The following ABL2 variants were observed in gnomAD, a reference collection of about 807,000 sequenced individuals.
The protein encoded by ABL2 is ABL proto-oncogene 2, non-receptor tyrosine kinase.
In ABL2, 49 loss-of-function variants were observed where a neutral mutation model predicts 107.7. That is an observed-to-expected ratio of 0.45 (90% CI 0.36 to 0.58). ABL2 has a LOEUF of 0.58. Ranked by LOEUF, ABL2 falls within the 20% of genes least tolerant of loss-of-function variation. The pLI is 0.00. For synonymous variants in ABL2, 549 were observed against 548.6 expected (o/e 1.00, Z -0.01); for missense variants, 1,245 against 1,457.0 (o/e 0.85, Z 2.37).
chr1:179,133,014 A>C (rs1388352952), intron 2 of ABL2, among the ~76,000 whole-genome samples: 1 of 151,670 alleles, frequency 6.6e-6, no homozygotes, highest in African/African-American at 2.4e-5. Flanking sequence ...GCACGCCACC[A>C]AGCCCAGCTA....
intron 1 of ABL2, among the ~76,000 whole-genome samples, chr1:179,206,262 A>G (rs1241424830): frequency 6.6e-6 from 1 of 152,226 alleles, no homozygotes; most frequent in Non-Finnish European, 1.5e-5. Flanking sequence ...TCAAATGCAC[A>G]CAGGATTTAG....
At chr1:179,185,082 C>CG (rs1660607259) in intron 1 of ABL2, among the ~76,000 whole-genome samples, 1 of 152,334 alleles carries the variant, frequency 6.6e-6, no homozygotes, top group African/African-American at 2.4e-5. Flanking sequence ...ATACTGGACT[C>CG]AGACAGTACA....
At chr1:179,142,944 G>T in intron 1 of ABL2, 1 of 1,614,120 alleles carries the variant, frequency 6.2e-7, no homozygotes, top group South Asian at 1.1e-5. Context: ...TGTTAAGTCG[G>T]GTAGAGCAGA....
intron 1 of ABL2, among the ~76,000 whole-genome samples, chr1:179,173,221 CG>C (rs975487374): frequency 2.0e-5 from 3 of 150,160 alleles, no homozygotes; most frequent in Non-Finnish European, 4.4e-5. Context: ...AGAAAAAAAA[CG>C]TAAGTTAACA....
intron 1 of ABL2, among the ~76,000 whole-genome samples, chr1:179,153,215 TA>T (rs1372921011): frequency 6.6e-6 from 1 of 152,202 alleles, no homozygotes; most frequent in Non-Finnish European, 1.5e-5. Flanking sequence ...CTAACCTCAT[TA>T]CTCTTTCCTG....
chr1:179,143,758 G>A (rs1400480281), intron 1 of ABL2, among the ~76,000 whole-genome samples: 6 of 152,292 alleles, frequency 3.9e-5, no homozygotes, highest in East Asian at 1.9e-4. Context: ...AGGCAGTGGC[G>A]CGATCTCGGC....
intron 1 of ABL2, among the ~76,000 whole-genome samples, chr1:179,155,346 T>G (rs955425540): frequency 2.6e-5 from 4 of 152,214 alleles, no homozygotes; most frequent in Non-Finnish European, 5.9e-5. Context: ...CAAAGGAAAC[T>G]GGAAATGTCT....
rs1466033404 is a variant in ABL2 at position 179,106,036 on chromosome 1, A to G, written c.*1682T>C. The G allele has an allele frequency of 9.2e-6, 2 of 218,010 alleles. No individual in the cohort carries two copies. Among genetic ancestry groups the G allele is most frequent in the East Asian group, 6.8e-5 (1 of 14,810 alleles). 13.5% of individuals were successfully genotyped at this position (218,010 alleles called of 1,614,324 possible). On this transcript the variant is annotated 3_prime_UTR_variant, in exon 12 of 12. Transcript: ENST00000502732. ...GAGGCTGTGGTTTGACAGTGTATCA[A>G]TGACAGAGCCAGAAGAAAACTCAGT...
At chr1:179,206,223 T>C (rs1571317119) in intron 1 of ABL2, among the ~76,000 whole-genome samples, 1 of 152,138 alleles carries the variant, frequency 6.6e-6, no homozygotes, top group Admixed American at 6.5e-5. Flanking sequence ...GACAGGCAAA[T>C]TAAGAGAACA....
intron 3 of ABL2, among the ~76,000 whole-genome samples, chr1:179,128,995 T>TA (rs952633826): frequency 2.0e-4 from 29 of 147,446 alleles, no homozygotes; most frequent in African/African-American, 3.2e-4. Context: ...GGTAGAACTT[T>TA]AAAAAAAAAA....
At chr1:179,201,018 A>G (rs182042655) in intron 1 of ABL2, among the ~76,000 whole-genome samples, 126 of 152,300 alleles carry the variant, frequency 8.3e-4, no homozygotes, top group African/African-American at 2.9e-3. Flanking sequence ...CCCAGAAAGA[A>G]AGGTGTTCTC....
chr1:179,135,499 C>T (rs1347367439), intron 1 of ABL2, among the ~76,000 whole-genome samples: 8 of 151,194 alleles, frequency 5.3e-5, no homozygotes, highest in African/African-American at 1.5e-4. Context: ...GCCCGGCAGC[C>T]GCCCCGTCTG....
intron 1 of ABL2, among the ~76,000 whole-genome samples, chr1:179,214,735 A>G (rs1026933453): frequency 6.6e-6 from 1 of 152,082 alleles, no homozygotes; most frequent in Non-Finnish European, 1.5e-5. Context: ...ATATTCTTAT[A>G]AACAAGTATT....
chr1:179,108,773 T>C lies in ABL2; in HGVS notation c.2494A>G (p.Met832Val), dbSNP rs771782439. ...CTTTCCTCTGATTTTTTTGGAAGCA[T>C]GTCATTGGCCCTGTCCACATTCTCT... ...PEENVDRAND[M>V]LPKKSEESAA... is the part of the protein sequence containing the mutation. The change falls in exon 12 of 12, where the codon ATG (methionine) becomes GTG (valine). Residue 832 changes from methionine to valine, a missense_variant. Around this residue, in one of 3 missense-constraint regions of ABL2, gnomAD observed 761 missense variants for 766.4 expected, o/e 0.99. Coordinates refer to ENST00000502732, the MANE Select transcript of ABL2 (RefSeq NM_007314.4). The C allele has an allele frequency of 8.1e-6, 13 of 1,614,204 alleles. No homozygotes were observed. Among genetic ancestry groups the C allele is most frequent in the South Asian group, 1.1e-5 (1 of 91,080 alleles).
chr1:179,157,705 A>AT (rs1658790228), intron 1 of ABL2, among the ~76,000 whole-genome samples: 3 of 138,784 alleles, frequency 2.2e-5, no homozygotes, highest in South Asian at 2.4e-4. Flanking sequence ...AAATTACAGA[A>AT]TCTTTTTTTT....
intron 1 of ABL2, among the ~76,000 whole-genome samples, chr1:179,156,783 C>A (rs1231743437): frequency 6.6e-6 from 1 of 151,838 alleles, no homozygotes; most frequent in Non-Finnish European, 1.5e-5. Context: ...AAAGGTGACG[C>A]AGGAGAATTG....
chr1:179,125,194 A>T (rs930424419), intron 4 of ABL2, among the ~76,000 whole-genome samples: 8 of 152,254 alleles, frequency 5.3e-5, no homozygotes, highest in African/African-American at 1.9e-4. Context: ...ACAATACATG[A>T]ACAAATGGGT....
Position 179,103,689 on chromosome 1 carries a change from C to CA in ABL2, c.*4028dup, listed in dbSNP as rs1481931996. On this transcript the variant is annotated 3_prime_UTR_variant, in exon 12 of 12. Transcript: ENST00000502732. ...CCCCTTAAGGTCAAAGTGTCAGGAG[C>CA]ATGTGCTTTAGAAAGTGTGCAGCAC... 3 of 226,108 alleles carry CA rather than the reference C, an allele frequency of 1.3e-5. No individual in the cohort carries two copies. The highest frequency in any genetic ancestry group is 2.6e-5 in the Non-Finnish European group (3 of 113,430). 14.0% of individuals were successfully genotyped at this position (226,108 alleles called of 1,614,324 possible).
At chr1:179,143,739 C>A (rs1481263560) in intron 1 of ABL2, among the ~76,000 whole-genome samples, 3 of 152,192 alleles carry the variant, frequency 2.0e-5, no homozygotes, top group Admixed American at 6.5e-5. Flanking sequence ...CTCTGTCGCC[C>A]AGGCTGGAAG....
Sources: gnomAD v4.1 joint callset for allele counts (sites outside exome capture counted in the v4.1 genomes callset) on GRCh38, gnomAD v4.1.1 for gene constraint, gnomAD v4.1.1 regional missense constraint, MANE v1.5 for transcripts, NCBI Gene and HGNC (gene_info 2026-07-23, HGNC 2026-07-21) for gene names.